The following KLHL1 variants were observed in gnomAD, a reference collection of about 807,000 sequenced individuals.
KLHL1 encodes the protein kelch-like protein 1.
Under a neutral mutation model 77.7 loss-of-function variants are expected in KLHL1, and 47 were observed. That is an observed-to-expected ratio of 0.60 (90% CI 0.48 to 0.77). The LOEUF (loss-of-function observed/expected upper bound fraction) is 0.77. Among genes scored for constraint, KLHL1 ranks in the 30% least tolerant of loss-of-function variants. KLHL1 has a pLI of 0.00. For missense variants in KLHL1, 925 were observed against 910.8 expected (o/e 1.02, Z -0.20); for synonymous variants, 360 against 325.2 (o/e 1.11, Z -1.15).
chr13:69,937,996 A>T (rs1432135468), intron 4 of KLHL1, among the ~76,000 whole-genome samples: 1 of 152,136 alleles, frequency 6.6e-6, no homozygotes, highest in East Asian at 1.9e-4. Context: ...GTAGTAGAAA[A>T]AATGGAATGA....
rs533554833 is a variant in KLHL1, at chr13:69,895,394, A to G, written c.1015-12899T>C. Among the ~76,000 whole-genome samples, 24 of 152,164 alleles carry G rather than the reference A, an allele frequency of 1.6e-4. 1 individual carries two copies. The highest frequency in any genetic ancestry group is 1.6e-3 in the Admixed American group (24 of 15,274). On this transcript the variant is annotated intron_variant, in intron 4 of 10. Transcript: ENST00000377844. ...CTTGGCCACTCAAGCTGCCACTGTC[A>G]TGGTGCGTCTCTCACAGAAGCCCAT...
intron 5 of KLHL1, among the ~76,000 whole-genome samples, chr13:69,869,682 T>C (rs192251275): frequency 3.9e-5 from 6 of 152,282 alleles, no homozygotes; most frequent in South Asian, 2.1e-4. Flanking sequence ...GTGTTTAAAA[T>C]AATAAACTAT....
At chr13:69,854,141 T>C (rs1295565106) in intron 5 of KLHL1, among the ~76,000 whole-genome samples, 2 of 152,066 alleles carry the variant, frequency 1.3e-5, no homozygotes, top group African/African-American at 4.8e-5. Flanking sequence ...CAGGCAGTCT[T>C]AGTCCATTGT....
At chr13:69,854,331 C>G (rs1879806006) in intron 5 of KLHL1, among the ~76,000 whole-genome samples, 1 of 151,936 alleles carries the variant, frequency 6.6e-6, no homozygotes, top group Non-Finnish European at 1.5e-5. Flanking sequence ...GATCACGCAG[C>G]AAGAAATGAA....
chr13:69,969,789 A>C (rs1165635816), intron 2 of KLHL1, among the ~76,000 whole-genome samples: 1 of 152,154 alleles, frequency 6.6e-6, no homozygotes, highest in Admixed American at 6.6e-5. Flanking sequence ...TGCATAACAG[A>C]CATTAATATT....
intron 1 of KLHL1, among the ~76,000 whole-genome samples, chr13:69,991,178 A>G (rs1040073536): frequency 3.9e-5 from 6 of 152,000 alleles, no homozygotes; most frequent in Non-Finnish European, 7.4e-5. Context: ...AATTTATAGT[A>G]CTAAACACCC....
intron 7 of KLHL1, among the ~76,000 whole-genome samples, chr13:69,789,212 T>G (rs1876734928): frequency 1.3e-5 from 2 of 152,244 alleles, no homozygotes; most frequent in South Asian, 4.1e-4. Flanking sequence ...TGCTATCAAT[T>G]TCACTCAGAC....
chr13:69,973,164 T>C (rs895877274), intron 2 of KLHL1, among the ~76,000 whole-genome samples: 2 of 151,954 alleles, frequency 1.3e-5, no homozygotes, highest in African/African-American at 4.8e-5. Context: ...TGCCTAACAG[T>C]AAACAGAACT....
At chr13:69,834,531 AT>A (rs1878904096) in intron 6 of KLHL1, among the ~76,000 whole-genome samples, 2 of 152,062 alleles carry the variant, frequency 1.3e-5, no homozygotes, top group African/African-American at 4.8e-5. Flanking sequence ...TAAATAGCAT[AT>A]TATACTTCAA....
chr13:69,837,826 T>C (rs905624195), intron 6 of KLHL1, among the ~76,000 whole-genome samples: 9 of 151,336 alleles, frequency 5.9e-5, no homozygotes, highest in African/African-American at 2.2e-4. Flanking sequence ...CTTTCCTTCT[T>C]CAATAATAGT....
chr13:69,956,567 C>T (rs754080298), intron 3 of KLHL1, among the ~76,000 whole-genome samples: 2 of 151,310 alleles, frequency 1.3e-5, no homozygotes, highest in Admixed American at 6.6e-5. Context: ...TCAAGGAACT[C>T]GTATCATAAC....
At chr13:69,834,882 T>C (rs1878922605) in intron 6 of KLHL1, among the ~76,000 whole-genome samples, 1 of 152,092 alleles carries the variant, frequency 6.6e-6, no homozygotes, top group African/African-American at 2.4e-5. Context: ...CTATTAGAAG[T>C]GTGGGATTTG....
intron 7 of KLHL1, among the ~76,000 whole-genome samples, chr13:69,749,523 C>T (rs968801859): frequency 2.6e-5 from 4 of 151,832 alleles, no homozygotes; most frequent in Non-Finnish European, 2.9e-5. Flanking sequence ...AAAATATTTA[C>T]CAGAATTTTT....
At chr13:69,845,053 C>T (rs1466961722) in intron 5 of KLHL1, among the ~76,000 whole-genome samples, 1 of 151,634 alleles carries the variant, frequency 6.6e-6, no homozygotes, top group East Asian at 1.9e-4. Context: ...CTTCAAGAGC[C>T]TAACCTTGCT....
intron 4 of KLHL1, among the ~76,000 whole-genome samples, chr13:69,899,322 A>C (rs1881772393): frequency 6.6e-6 from 1 of 152,162 alleles, no homozygotes; most frequent in South Asian, 2.1e-4. Context: ...TTCTGGAAGT[A>C]TACATGGGGA....
intron 1 of KLHL1, among the ~76,000 whole-genome samples, chr13:70,096,346 C>G (rs1256973553): frequency 1.3e-5 from 2 of 152,050 alleles, no homozygotes; most frequent in African/African-American, 4.8e-5. Context: ...TGCATCCTCA[C>G]CAGCATCCCC....
chr13:69,714,962 TC>T (rs1305379523), intron 9 of KLHL1, among the ~76,000 whole-genome samples: 2 of 152,138 alleles, frequency 1.3e-5, no homozygotes, highest in African/African-American at 4.8e-5. Flanking sequence ...TTCCACAGAA[TC>T]CTTCTTCCTC....
chr13:69,791,199 A>C (rs2138027868), intron 7 of KLHL1, among the ~76,000 whole-genome samples: 1 of 152,250 alleles, frequency 6.6e-6, no homozygotes, highest in South Asian at 2.1e-4. Flanking sequence ...AAAATCTGAA[A>C]ATGAGATGAA....
intron 1 of KLHL1, among the ~76,000 whole-genome samples, chr13:70,026,716 GTGTGT>G (rs1885953940): frequency 6.7e-6 from 1 of 148,324 alleles, no homozygotes; most frequent in Non-Finnish European, 1.5e-5. Context: ...GTGTGTGTGT[GTGTGT>G]GTGTGTGTGT....
Sources: allele counts gnomAD v4.1 joint callset (sites outside exome capture counted in the v4.1 genomes callset), GRCh38; gene constraint gnomAD v4.1.1; transcripts MANE v1.5; gene names NCBI Gene and HGNC (gene_info 2026-07-23, HGNC 2026-07-21).